IQSEC1: variants seen among roughly 807,000 people sequenced by gnomAD.
IQSEC1 encodes IQ motif and Sec7 domain ArfGEF 1.
In IQSEC1, 31 loss-of-function variants were observed where a neutral mutation model predicts 91.0. The observed-to-expected ratio is 0.34, with a 90% CI of 0.26 to 0.46. The LOEUF (loss-of-function observed/expected upper bound fraction) is 0.46. Ranked by LOEUF, IQSEC1 falls within the 20% of genes least tolerant of loss-of-function variation. The pLI is 1.00. For missense variants in IQSEC1, 1,388 were observed against 1,575.6 expected, an observed-to-expected ratio of 0.88 and a Z score of 2.02; for synonymous variants, 699 against 662.6, an observed-to-expected ratio of 1.05 and a Z score of -0.84.
At chr3:13,113,193 T>C (rs957821846) in intron 2 of IQSEC1, among the ~76,000 whole-genome samples, 5 of 151,956 alleles carry the variant, frequency 3.3e-5, no homozygotes, top group Non-Finnish European at 5.9e-5. Context: ...GAGAGAGGGA[T>C]GTGAATCTTG....
chr3:13,234,337 T>C (rs886997019), intron 1 of IQSEC1, among the ~76,000 whole-genome samples: 2 of 132,514 alleles, frequency 1.5e-5, no homozygotes, highest in Admixed American at 1.6e-4. Context: ...GTGTGAGCCC[T>C]GTGTCTGTGT....
chr3:12,933,184 G>C (rs1294880972), intron 3 of IQSEC1, among the ~76,000 whole-genome samples: 4 of 152,212 alleles, frequency 2.6e-5, no homozygotes, highest in African/African-American at 9.6e-5. Context: ...GAAAGGGAAG[G>C]GAAAGGGCAG....
rs1006009681 is a variant in IQSEC1, at chr3:13,008,765, A to G, written c.23+64227T>C. On this transcript the variant is annotated intron_variant, in intron 1 of 13. Transcript: ENST00000613206. This position sits in a 1 kb window ranked among gnomAD's most constrained non-coding sequence, Gnocchi z 4.1. ...AGTTGGTCGAGTTACTGATAGAACA[A>G]CGCTCTTGATCCGGCTCCAGGGCAG... Among the ~76,000 whole-genome samples the G allele has an allele frequency of 2.6e-5, 4 of 152,128 alleles. No homozygotes were observed. Among genetic ancestry groups the G allele is most frequent in the Admixed American group, 2.6e-4 (4 of 15,278 alleles).
intron 1 of IQSEC1, among the ~76,000 whole-genome samples, chr3:12,991,328 C>T (rs1161025218): frequency 6.6e-6 from 1 of 152,096 alleles, no homozygotes; most frequent in East Asian, 1.9e-4. Flanking sequence ...GAGGCGGGGG[C>T]CCAGTGGAAA....
intron 2 of IQSEC1, among the ~76,000 whole-genome samples, chr3:13,140,596 C>G (rs17037778): frequency 0.02 from 2,990 of 152,248 alleles, 111 homozygotes; most frequent in African/African-American, 0.066. Context: ...CAACGTGGGA[C>G]AGAGCAGCTT....
chr3:13,175,700 G>T (rs1483444279), intron 1 of IQSEC1, among the ~76,000 whole-genome samples: 5 of 152,262 alleles, frequency 3.3e-5, no homozygotes, highest in Admixed American at 6.5e-5. Context: ...CGTTTGAGAG[G>T]CTGGGTAGTC....
intron 1 of IQSEC1, among the ~76,000 whole-genome samples, chr3:12,986,211 GGCTGGGCTGGGA>G (rs912359399): frequency 4.2e-4 from 64 of 152,344 alleles, no homozygotes; most frequent in African/African-American, 1.4e-3. Flanking sequence ...CTACGTCACA[GGCTGGGCTGGGA>G]GCTGGGCTGG....
intron 12 of IQSEC1, among the ~76,000 whole-genome samples, chr3:12,906,694 C>A (rs1304749886): frequency 3.3e-5 from 5 of 152,240 alleles, no homozygotes; most frequent in African/African-American, 1.2e-4. Context: ...GGGGCCGGCA[C>A]GTGGCTGTCC....
intron 1 of IQSEC1, among the ~76,000 whole-genome samples, chr3:13,048,419 C>T (rs1355311728): frequency 6.6e-6 from 1 of 152,208 alleles, no homozygotes; most frequent in Non-Finnish European, 1.5e-5. Flanking sequence ...CCTTGGAATA[C>T]CCTCTTCTCC....
intron 2 of IQSEC1, among the ~76,000 whole-genome samples, chr3:13,104,317 G>A (rs545601857): frequency 6.6e-6 from 1 of 152,194 alleles, no homozygotes; most frequent in African/African-American, 2.4e-5. Flanking sequence ...GAGATGGGGT[G>A]AGTCCCCTGG....
chr3:13,251,234 G>A (rs894048956), intron 1 of IQSEC1, among the ~76,000 whole-genome samples: 6 of 152,074 alleles, frequency 3.9e-5, no homozygotes, highest in African/African-American at 1.4e-4. Context: ...CATCTAACAT[G>A]CCAACACCAC....
At chr3:13,065,292 T>C (rs1377042901) in intron 1 of IQSEC1, among the ~76,000 whole-genome samples, 1 of 152,202 alleles carries the variant, frequency 6.6e-6, no homozygotes, top group African/African-American at 2.4e-5. Flanking sequence ...CACATATAAA[T>C]GCACAGAAAT....
chr3:13,167,165 C>T lies in IQSEC1; in HGVS notation c.273-3032G>A, dbSNP rs183616833. Among the ~76,000 whole-genome samples, 31 of 152,328 alleles carry T rather than the reference C, an allele frequency of 2.0e-4. 1 individual carries two copies. The East Asian group carries it at 5.4e-3, about 27-fold the overall frequency. ...GGTCAGGAGCATCCTGGAGCCTTCTCGTTCCTGCAGATGAAGCTGAGATCT... is the reference window on the plus strand; with the variant it reads ...GGTCAGGAGCATCCTGGAGCCTTCTTGTTCCTGCAGATGAAGCTGAGATCT... On this transcript the variant is annotated intron_variant, in intron 1 of 15. Coordinates refer to the IQSEC1 transcript ENST00000648114.
At chr3:13,274,043 G>A (rs62234257) in intron 1 of IQSEC1, among the ~76,000 whole-genome samples, 7,922 of 152,248 alleles carry the variant, frequency 0.052, 532 homozygotes, top group East Asian at 0.34. Context: ...TTCACATGCC[G>A]AGGGGGAGAA....
At chr3:13,054,702 C>T (rs969663965) in intron 1 of IQSEC1, among the ~76,000 whole-genome samples, 7 of 152,212 alleles carry the variant, frequency 4.6e-5, no homozygotes, top group African/African-American at 1.7e-4. Flanking sequence ...GAGGTGGCCT[C>T]TGGACTTGAG....
At chr3:13,274,777 C>A (rs1353276079) in intron 1 of IQSEC1, among the ~76,000 whole-genome samples, 1 of 152,234 alleles carries the variant, frequency 6.6e-6, no homozygotes, top group East Asian at 1.9e-4. Context: ...ACACTGGCAC[C>A]CACTGCCCAT....
intron 1 of IQSEC1, among the ~76,000 whole-genome samples, chr3:13,020,063 C>T (rs1404602513): frequency 6.6e-6 from 1 of 152,240 alleles, no homozygotes; most frequent in Non-Finnish European, 1.5e-5. Flanking sequence ...GAGCCCTCTG[C>T]ATTCTGTCAA....
chr3:12,984,207 G>A (rs577986007), intron 1 of IQSEC1, among the ~76,000 whole-genome samples: 1 of 152,290 alleles, frequency 6.6e-6, no homozygotes, highest in South Asian at 2.1e-4. Flanking sequence ...TTTCCCCTGG[G>A]GTTACCAGCA....
intron 1 of IQSEC1, among the ~76,000 whole-genome samples, chr3:12,972,865 CT>C (rs1458641182): frequency 1.3e-5 from 2 of 152,204 alleles, no homozygotes; most frequent in African/African-American, 4.8e-5. Context: ...ATTCCTAAGA[CT>C]GTTAGATGCA....
Sources: allele counts gnomAD v4.1 joint callset (sites outside exome capture counted in the v4.1 genomes callset), GRCh38; gene constraint gnomAD v4.1.1; non-coding constraint Gnocchi (gnomAD v3.1); transcripts MANE v1.5; gene names NCBI Gene and HGNC (gene_info 2026-07-23, HGNC 2026-07-21).